The following PDE1C variants were observed in gnomAD, a reference collection of about 807,000 sequenced individuals.
The protein encoded by PDE1C is phosphodiesterase 1C, also known as dual specificity calcium/calmodulin-dependent 3',5'-cyclic nucleotide phosphodiesterase 1C.
In PDE1C, 62 loss-of-function variants were observed where a neutral mutation model predicts 93.1. The ratio of observed to expected loss-of-function variants is 0.67; its 90% CI spans 0.54 to 0.82. The LOEUF is 0.82. Among genes scored for constraint, PDE1C ranks in the 40% least tolerant of loss-of-function variants. The pLI is 0.00. For missense variants in PDE1C, 742 were observed against 884.6 expected, an observed-to-expected ratio of 0.84 and a Z score of 2.04; for synonymous variants, 325 against 310.1, an observed-to-expected ratio of 1.05 and a Z score of -0.50.
Position 32,067,411 on chromosome 7 carries a change from C to T in PDE1C, c.101+2882G>A, listed in dbSNP as rs866837141. Among the ~76,000 whole-genome samples the T allele has an allele frequency of 3.3e-5, 5 of 152,120 alleles. No individual in the cohort carries two copies. The South Asian group carries it at 1.0e-3, about 32-fold the overall frequency. On this transcript the variant is annotated intron_variant, in intron 1 of 17. Coordinates refer to ENST00000396191, the MANE Select transcript of PDE1C (RefSeq NM_001191057.4). Reference sequence around the variant, plus strand: ...TAAACCTAAAAATAAATAAACTATACAGCATTCGGATGGTGGGAAGTGCTA... The same window carrying T: ...TAAACCTAAAAATAAATAAACTATATAGCATTCGGATGGTGGGAAGTGCTA...
intron 5 of PDE1C, among the ~76,000 whole-genome samples, chr7:31,875,863 A>T (rs1207601062): frequency 7.2e-6 from 1 of 139,702 alleles, no homozygotes; most frequent in East Asian, 2.1e-4. Flanking sequence ...ACATAATGCA[A>T]CATGTTTCAA....
At chr7:32,018,634 G>A (rs1788236692) in intron 2 of PDE1C, among the ~76,000 whole-genome samples, 1 of 152,174 alleles carries the variant, frequency 6.6e-6, no homozygotes, top group South Asian at 2.1e-4. Flanking sequence ...CAGACAGACA[G>A]TAGATTAGTG....
At chr7:32,195,747 T>C (rs1186528502) in intron 2 of PDE1C, among the ~76,000 whole-genome samples, 1 of 152,198 alleles carries the variant, frequency 6.6e-6, no homozygotes, top group Non-Finnish European at 1.5e-5. Context: ...TCTTCAGGTT[T>C]ATCCTGTTTG....
the PDE1C span, among the ~76,000 whole-genome samples, chr7:31,725,057 G>A: frequency 6.6e-6 from 1 of 152,126 alleles, no homozygotes; most frequent in Non-Finnish European, 1.5e-5. Flanking sequence ...TCATTCCTTT[G>A]GACCTAGCAC....
chr7:32,234,073 A>G (rs933834543), intron 1 of PDE1C, among the ~76,000 whole-genome samples: 1 of 150,318 alleles, frequency 6.7e-6, no homozygotes, highest in Non-Finnish European at 1.5e-5. Flanking sequence ...AGTAAATATC[A>G]GGGGATATTT....
chr7:31,620,428 C>G, the PDE1C span, among the ~76,000 whole-genome samples: 37,647 of 151,478 alleles, frequency 0.25, 5,162 homozygotes, highest in Non-Finnish European at 0.3. Flanking sequence ...GAGGAACGAT[C>G]AGACAGCAGC....
rs545915116 is a variant in PDE1C, at chr7:32,232,758, A to G, written c.86-23219T>C. On this transcript the variant is annotated intron_variant, in intron 1 of 18. Coordinates refer to the PDE1C transcript ENST00000396193. ...GAACTGAGCTAATGGATAGACGGGT[A>G]TCCATCCCAGACTGACTACTAAGTG... Among the ~76,000 whole-genome samples the G allele has an allele frequency of 3.3e-5, 5 of 152,312 alleles. No individual in the cohort carries two copies. In the South Asian group the frequency reaches 1.0e-3, roughly 32 times the overall value.
At chr7:32,370,257 G>A (rs1784306672) in intron 1 of PDE1C, among the ~76,000 whole-genome samples, 1 of 152,078 alleles carries the variant, frequency 6.6e-6, no homozygotes, top group Non-Finnish European at 1.5e-5. Context: ...AGACCATCCT[G>A]GCTAACACGG....
chr7:32,071,073 G>A, upstream of PDE1C: 2 of 985,442 alleles, frequency 2.0e-6, no homozygotes, highest in Non-Finnish European at 1.2e-6. Context: ...CGGGCGCGGA[G>A]GGAGGGGCGC....
At chr7:32,384,458 A>C (rs1784589792) in intron 1 of PDE1C, among the ~76,000 whole-genome samples, 1 of 152,228 alleles carries the variant, frequency 6.6e-6, no homozygotes, top group Non-Finnish European at 1.5e-5. Context: ...TAAATCAGAT[A>C]TGTACGGTGA....
upstream of PDE1C, among the ~76,000 whole-genome samples, chr7:32,073,713 C>T (rs867998616): frequency 9.2e-5 from 14 of 152,202 alleles, no homozygotes; most frequent in Admixed American, 2.6e-4. Flanking sequence ...CATGTTACTA[C>T]GTCACTCAGA....
At chr7:31,957,505 G>T (rs1188020841) in intron 2 of PDE1C, among the ~76,000 whole-genome samples, 1 of 152,130 alleles carries the variant, frequency 6.6e-6, no homozygotes, top group Non-Finnish European at 1.5e-5. Flanking sequence ...AAAATACACA[G>T]CAAGGGACAA....
At chr7:31,788,867 C>T (rs1196048018) in intron 16 of PDE1C, 1 of 152,172 alleles carries the variant, frequency 6.6e-6, no homozygotes, top group East Asian at 1.9e-4. Flanking sequence ...TGTTGGGGAA[C>T]ATTTTGGCAA....
rs1340731319 is a variant in PDE1C at position 31,809,106 on chromosome 7, C to T, written c.1816G>A (p.Asp606Asn). 6.4e-7 allele frequency: 1 copy of T among 1,552,130 alleles called. No homozygotes were observed. Among genetic ancestry groups the T allele is most frequent in the Admixed American group, 1.7e-5 (1 of 59,714 alleles). Residue 606 changes from aspartate (D) to asparagine (N), a missense_variant and splice_region_variant, in exon 16 of 18, where the codon GAC becomes AAC. By Grantham distance (23) the Asp-to-Asn change is conservative (BLOSUM62 1). Around this residue, in one of 4 missense-constraint regions of PDE1C, gnomAD observed 454 missense variants for 459.4 expected, o/e 0.99. Transcript: ENST00000396191. ...KSSGEQQQNG[D>N]FKDGKNKTDK... ...GTCTTATTTTTACCATCTTTGAAGT[C>T]ACCTGAAAGTAATAAACATGACAAA...
At chr7:31,846,911 T>C (rs1046905346) in intron 9 of PDE1C, among the ~76,000 whole-genome samples, 6 of 152,278 alleles carry the variant, frequency 3.9e-5, no homozygotes. Flanking sequence ...TGGAAACTCT[T>C]AGCCACTCTT....
At chr7:31,656,914 C>T in the PDE1C span, among the ~76,000 whole-genome samples, 1 of 151,528 alleles carries the variant, frequency 6.6e-6, no homozygotes, top group Admixed American at 6.6e-5. Context: ...CCTTTGCTGT[C>T]TTCAGTGCAT....
chr7:31,837,802 T>C (rs1791308185), intron 10 of PDE1C, 68 bp downstream of exon 10: 13 of 946,812 alleles, frequency 1.4e-5, no homozygotes, highest in Middle Eastern at 2.1e-4. Context: ...TTTAAAGGGA[T>C]AGCCACATAG....
intron 2 of PDE1C, among the ~76,000 whole-genome samples, chr7:31,921,932 G>A (rs887513488): frequency 6.6e-6 from 1 of 152,122 alleles, no homozygotes; most frequent in African/African-American, 2.4e-5. Flanking sequence ...AGCTTTACAA[G>A]TCTATGAGAT....
intron 14 of PDE1C, among the ~76,000 whole-genome samples, chr7:31,817,985 CA>C (rs1788474518): frequency 6.6e-6 from 1 of 152,080 alleles, no homozygotes; most frequent in Non-Finnish European, 1.5e-5. Context: ...CCATCCAAAC[CA>C]ATGCCCTAGC....
Sources: gnomAD v4.1 joint callset for allele counts (sites outside exome capture counted in the v4.1 genomes callset) on GRCh38, gnomAD v4.1.1 for gene constraint, gnomAD v4.1.1 regional missense constraint, MANE v1.5 for transcripts, NCBI Gene and HGNC (gene_info 2026-07-23, HGNC 2026-07-21) for gene names.